The following CNTN4 variants were observed in gnomAD, a reference collection of about 807,000 sequenced individuals.
CNTN4 encodes the protein contactin-4.
CNTN4 carries 77 observed loss-of-function variants against 122.5 expected under a neutral mutation model. The ratio of observed to expected loss-of-function variants is 0.63; its 90% CI spans 0.52 to 0.76. CNTN4 has a LOEUF of 0.76. Ranked by LOEUF, CNTN4 falls within the 30% of genes least tolerant of loss-of-function variation. The pLI, the probability that CNTN4 is intolerant of heterozygous loss-of-function variation, is 0.00. For missense variants in CNTN4, 1,256 were observed against 1,259.1 expected (o/e 1.00, Z 0.04); for synonymous variants, 512 against 447.0 (o/e 1.15, Z -1.83).
chr3:2,239,593 A>T (rs1032787586), intron 2 of CNTN4, among the ~76,000 whole-genome samples: 10 of 152,166 alleles, frequency 6.6e-5, no homozygotes, highest in African/African-American at 2.2e-4. Context: ...AGTCAGTGAG[A>T]TGAATCCTAT....
rs193252631 is a variant in CNTN4, at chr3:2,452,255, C to G, written c.-89+113022C>G. Among the ~76,000 whole-genome samples the G allele has an allele frequency of 2.4e-4, 37 of 152,208 alleles. No individual in the cohort carries two copies. The East Asian group carries it at 6.0e-3, about 25-fold the overall frequency. On this transcript the variant is annotated intron_variant, in intron 3 of 24. Coordinates refer to ENST00000418658, the MANE Select transcript of CNTN4 (RefSeq NM_175607.3). ...AGTTTTCTTCTCTGCAAAATTAGGCCGTTGGGAAGGAAGGTCTCTGCATCC... is the reference window on the plus strand; with the variant it reads ...AGTTTTCTTCTCTGCAAAATTAGGCGGTTGGGAAGGAAGGTCTCTGCATCC...
Position 2,891,975 on chromosome 3 carries a change from G to A in CNTN4, c.940+4751G>A, listed in dbSNP as rs143919695. On this transcript the variant is annotated intron_variant, in intron 10 of 24. Coordinates refer to ENST00000418658, the MANE Select transcript of CNTN4 (RefSeq NM_175607.3). ...TTGGTTAGGACGTAAGAGAGGAAGA[G>A]AAATGGAGAGACTTGAGATATATTT... Among the ~76,000 whole-genome samples, 469 of 152,330 alleles carry A rather than the reference G, an allele frequency of 3.1e-3. 4 individuals carry two copies. The highest frequency in any genetic ancestry group is 0.011 in the African/African-American group (442 of 41,562).
chr3:2,380,245 A>G (rs1366220951), intron 3 of CNTN4, among the ~76,000 whole-genome samples: 1 of 152,188 alleles, frequency 6.6e-6, no homozygotes, highest in African/African-American at 2.4e-5. Context: ...CTTCCTTTTT[A>G]TGTAAAATTT....
intron 13 of CNTN4, among the ~76,000 whole-genome samples, chr3:2,984,020 T>A (rs547523106): frequency 6.6e-6 from 1 of 152,224 alleles, no homozygotes. Flanking sequence ...AGTGGGAGAG[T>A]TGAGACCCTA....
intron 2 of CNTN4, among the ~76,000 whole-genome samples, chr3:2,108,584 G>C (rs1008489088): frequency 3.9e-5 from 6 of 152,138 alleles, no homozygotes; most frequent in African/African-American, 1.4e-4. Context: ...TTGAAATTTG[G>C]AGGCAAAATT....
chr3:2,143,177 G>A (rs1455944700), intron 2 of CNTN4, among the ~76,000 whole-genome samples: 3 of 152,080 alleles, frequency 2.0e-5, no homozygotes, highest in Non-Finnish European at 4.4e-5. Flanking sequence ...ATTTTTTTCT[G>A]TTTTACGTTT....
intron 6 of CNTN4, among the ~76,000 whole-genome samples, chr3:2,783,021 G>A (rs1015733321): frequency 2.0e-5 from 3 of 152,204 alleles, no homozygotes; most frequent in Non-Finnish European, 4.4e-5. Context: ...GCTTACGCCT[G>A]TAATCACAGC....
intron 2 of CNTN4, among the ~76,000 whole-genome samples, chr3:2,326,713 G>T (rs1010906242): frequency 1.3e-5 from 2 of 152,196 alleles, no homozygotes; most frequent in Non-Finnish European, 2.9e-5. Context: ...CTTGAAGCAA[G>T]AATAGGAATG....
chr3:3,026,212 T>TG lies in CNTN4; in HGVS notation c.1599dup (p.Ser534ValfsTer3). 1 of 1,613,576 alleles carries TG rather than the reference T, an allele frequency of 6.2e-7. No homozygotes were observed. The highest frequency in any genetic ancestry group is 8.5e-7 in the Non-Finnish European group (1 of 1,179,588). On this transcript the variant is annotated frameshift_variant, in exon 15 of 25. Transcript: ENST00000418658. LOFTEE classifies it high-confidence loss of function. ...TCACTCGCTAGACATCGTGTTTACT[T>TG]GGTCATTTAATGGACACCTGATAGA...
At chr3:2,833,549 C>G (rs2093149166) in intron 7 of CNTN4, among the ~76,000 whole-genome samples, 1 of 152,052 alleles carries the variant, frequency 6.6e-6, no homozygotes, top group African/African-American at 2.4e-5. Context: ...AGTTCATCAT[C>G]CTTTTAATAG....
At chr3:2,649,820 A>G (rs979050994) in intron 4 of CNTN4, among the ~76,000 whole-genome samples, 16 of 151,876 alleles carry the variant, frequency 1.1e-4, no homozygotes, top group Non-Finnish European at 1.6e-4. Context: ...AGGATTCACC[A>G]TCCCAGATGC....
intron 4 of CNTN4, among the ~76,000 whole-genome samples, chr3:2,639,119 C>CT (rs539657688): frequency 5.9e-5 from 9 of 152,066 alleles, no homozygotes; most frequent in Non-Finnish European, 1.2e-4. Context: ...ACACAACATT[C>CT]TTTTTTTTCT....
chr3:2,547,348 C>T (rs2078291062), intron 3 of CNTN4, among the ~76,000 whole-genome samples: 2 of 152,040 alleles, frequency 1.3e-5, no homozygotes, highest in African/African-American at 4.8e-5. Flanking sequence ...ACTGCAACCT[C>T]TGTCCCCTGC....
chr3:2,450,321 C>G (rs142494353), intron 3 of CNTN4, among the ~76,000 whole-genome samples: 4,501 of 151,904 alleles, frequency 0.03, 195 homozygotes, highest in African/African-American at 0.098. Flanking sequence ...GAGCTGAGAT[C>G]ACACCACTGC....
chr3:2,421,168 A>C (rs13084976), intron 3 of CNTN4, among the ~76,000 whole-genome samples: 1 of 151,490 alleles, frequency 6.6e-6, no homozygotes, highest in Admixed American at 6.6e-5. Flanking sequence ...AATGACCACC[A>C]TTGCATAACA....
Position 3,009,946 on chromosome 3 carries a change from G to A in CNTN4, c.1487-16156G>A, listed in dbSNP as rs557392729. 1.2e-4 allele frequency among the ~76,000 whole-genome samples: 18 copies of A among 151,274 alleles called. 1 individual carries two copies. The East Asian group carries it at 1.9e-3, about 16-fold the overall frequency. ...ATTAATATTTCGGTGTTTCCTTTTC[G>A]GCTGATCGCTACCTAGAGAAAGAAT... On this transcript the variant is annotated intron_variant, in intron 14 of 24. Coordinates refer to ENST00000418658, the MANE Select transcript of CNTN4 (RefSeq NM_175607.3).
chr3:2,784,820 A>C (rs1310439309), intron 6 of CNTN4, among the ~76,000 whole-genome samples: 2 of 152,202 alleles, frequency 1.3e-5, no homozygotes, highest in Non-Finnish European at 1.5e-5. Flanking sequence ...AGATGGTTTT[A>C]AGAATTCAAT....
At chr3:2,982,890 A>C (rs1178741233) in intron 13 of CNTN4, among the ~76,000 whole-genome samples, 2 of 152,156 alleles carry the variant, frequency 1.3e-5, no homozygotes, top group African/African-American at 4.8e-5. Flanking sequence ...GCTTGAGAAC[A>C]AAAACAATAA....
intron 2 of CNTN4, among the ~76,000 whole-genome samples, chr3:2,205,282 G>T (rs1156961985): frequency 1.3e-5 from 2 of 149,038 alleles, no homozygotes; most frequent in Non-Finnish European, 3.0e-5. Flanking sequence ...TTTTCCACCA[G>T]TGAAAAAATA....
Sources: gnomAD v4.1 joint callset for allele counts (sites outside exome capture counted in the v4.1 genomes callset) on GRCh38, gnomAD v4.1.1 for gene constraint, MANE v1.5 for transcripts, NCBI Gene and HGNC (gene_info 2026-07-23, HGNC 2026-07-21) for gene names.